WWOX: variants seen among roughly 807,000 people sequenced by gnomAD.
The protein encoded by WWOX is WW domain-containing oxidoreductase.
A neutral mutation model predicts 46.2 loss-of-function variants in WWOX; 69 were observed. The observed-to-expected ratio is 1.49, with a 90% CI of 1.23 to 1.82. The LOEUF is 1.82. WWOX is among the 40% of genes most tolerant of loss of function. The probability of loss-of-function intolerance (pLI) is 0.00; values close to 1 mark genes in which losing one functional copy is unlikely to be tolerated. For synonymous variants in WWOX, 359 were observed against 202.6 expected, an observed-to-expected ratio of 1.77 and a Z score of -6.56; for missense variants, 919 against 542.6, an observed-to-expected ratio of 1.69 and a Z score of -6.89.
intron 8 of WWOX, among the ~76,000 whole-genome samples, chr16:78,539,713 C>T (rs998738720): frequency 1.3e-5 from 2 of 152,182 alleles, no homozygotes; most frequent in African/African-American, 4.8e-5. Context: ...CATGTTTTCC[C>T]TCTAAAGAGA....
At chr16:78,231,226 C>T (rs1014988217) in intron 5 of WWOX, among the ~76,000 whole-genome samples, 4 of 152,158 alleles carry the variant, frequency 2.6e-5, no homozygotes, top group Non-Finnish European at 5.9e-5. Flanking sequence ...CTTTCAAAGC[C>T]TTTTGCAAAC....
intron 8 of WWOX, among the ~76,000 whole-genome samples, chr16:78,456,774 C>T (rs2083828553): frequency 6.6e-6 from 1 of 152,188 alleles, no homozygotes; most frequent in African/African-American, 2.4e-5. Flanking sequence ...TTATCATGCC[C>T]ATTCATTATT....
Position 79,068,496 on chromosome 16 carries a change from G to C in WWOX, c.1057-143112G>C, listed in dbSNP as rs116205612. Among the ~76,000 whole-genome samples, 374 of 152,120 alleles carry C rather than the reference G, an allele frequency of 2.5e-3. 1 individual carries two copies. Among genetic ancestry groups the C allele is most frequent in the African/African-American group, 8.4e-3 (347 of 41,512 alleles). On this transcript the variant is annotated intron_variant, in intron 8 of 8. Coordinates refer to ENST00000566780, the MANE Select transcript of WWOX (RefSeq NM_016373.4). Reference sequence around the variant, plus strand: ...ACATGGTTTTCAGAAAGCACTGCACGTGTAGGAAGCTCAAGACAGAGACGT... The same window carrying C: ...ACATGGTTTTCAGAAAGCACTGCACCTGTAGGAAGCTCAAGACAGAGACGT...
intron 8 of WWOX, among the ~76,000 whole-genome samples, chr16:79,118,259 AAGG>A (rs890469245): frequency 6.6e-6 from 1 of 152,160 alleles, no homozygotes; most frequent in Non-Finnish European, 1.5e-5. Context: ...GGGGAAAGAG[AAGG>A]AGAACAGCAG....
intron 5 of WWOX, among the ~76,000 whole-genome samples, chr16:78,228,794 C>A (rs952009557): frequency 6.6e-6 from 1 of 152,160 alleles, no homozygotes; most frequent in Non-Finnish European, 1.5e-5. Context: ...TGCTGGAAGA[C>A]CCTTCATTTA....
chr16:79,025,971 T>C (rs1470645792), intron 8 of WWOX, among the ~76,000 whole-genome samples: 1 of 148,968 alleles, frequency 6.7e-6, no homozygotes, highest in Non-Finnish European at 1.5e-5. Context: ...GCTAATGTTT[T>C]TGGATTTTTA....
At chr16:78,892,573 T>C (rs1036908760) in intron 8 of WWOX, among the ~76,000 whole-genome samples, 1 of 152,200 alleles carries the variant, frequency 6.6e-6, no homozygotes, top group East Asian at 1.9e-4. Context: ...CTCCACATTT[T>C]ATCCAAAGCA....
At chr16:78,700,221 A>T in intron 8 of WWOX, among the ~76,000 whole-genome samples, 1 of 150,778 alleles carries the variant, frequency 6.6e-6, no homozygotes, top group Non-Finnish European at 1.5e-5. Context: ...TGGAAGTCAG[A>T]TGTCAGGGCA....
At chr16:78,655,375 C>T in intron 8 of WWOX, among the ~76,000 whole-genome samples, 1 of 152,208 alleles carries the variant, frequency 6.6e-6, no homozygotes, top group East Asian at 1.9e-4. Flanking sequence ...TCTCCTCAGC[C>T]TGTGTCTTGA....
intron 8 of WWOX, chr16:79,205,498 A>C (rs1427789131): frequency 6.6e-6 from 1 of 152,226 alleles, no homozygotes; most frequent in Non-Finnish European, 1.5e-5. Flanking sequence ...GAGGGCTAAG[A>C]GTTGGCATGG....
chr16:78,572,503 T>G (rs976905038), intron 8 of WWOX, among the ~76,000 whole-genome samples: 1 of 145,416 alleles, frequency 6.9e-6, no homozygotes, highest in Non-Finnish European at 1.5e-5. Flanking sequence ...CTTGGGAGAC[T>G]GAGGAGGGAG....
At chr16:78,206,068 G>A (rs1440047913) in intron 5 of WWOX, among the ~76,000 whole-genome samples, 1 of 151,690 alleles carries the variant, frequency 6.6e-6, no homozygotes, top group East Asian at 1.9e-4. Flanking sequence ...ACGATTAATG[G>A]AAGAAGAGAA....
chr16:78,627,476 T>G (rs918755689), intron 8 of WWOX, among the ~76,000 whole-genome samples: 1 of 152,250 alleles, frequency 6.6e-6, no homozygotes, highest in African/African-American at 2.4e-5. Context: ...CTTGACATTC[T>G]GTGATCCTGT....
At chr16:79,183,513 C>G in intron 8 of WWOX, among the ~76,000 whole-genome samples, 1 of 152,110 alleles carries the variant, frequency 6.6e-6, no homozygotes, top group East Asian at 1.9e-4. Flanking sequence ...TTTTCTGTGT[C>G]TCTGAATTGG....
intron 8 of WWOX, among the ~76,000 whole-genome samples, chr16:78,628,262 A>T (rs953596119): frequency 6.6e-6 from 1 of 152,140 alleles, no homozygotes; most frequent in East Asian, 1.9e-4. Context: ...CTCATGTCAC[A>T]TTGAGTGGTG....
intron 6 of WWOX, among the ~76,000 whole-genome samples, chr16:78,422,246 T>C (rs985802830): frequency 1.3e-5 from 2 of 152,178 alleles, no homozygotes; most frequent in East Asian, 1.9e-4. Context: ...TCCACTGTTT[T>C]AGAGAGCAGA....
chr16:78,653,962 C>G (rs558814186), intron 8 of WWOX, among the ~76,000 whole-genome samples: 45 of 152,326 alleles, frequency 3.0e-4, no homozygotes, highest in African/African-American at 7.9e-4. Context: ...GATATTCTTA[C>G]AAAAGGCAAA....
chr16:78,598,934 G>A (rs1435504228), intron 8 of WWOX, among the ~76,000 whole-genome samples: 1 of 152,128 alleles, frequency 6.6e-6, no homozygotes, highest in Non-Finnish European at 1.5e-5. Flanking sequence ...CTCTCAACAG[G>A]GAAACTGAAG....
At chr16:78,747,751 C>T (rs375418134) in intron 8 of WWOX, among the ~76,000 whole-genome samples, 10 of 152,316 alleles carry the variant, frequency 6.6e-5, no homozygotes, top group African/African-American at 2.4e-4. Context: ...GCTTATCCAG[C>T]CTACAGAGGA....
Sources: allele counts gnomAD v4.1 joint callset (sites outside exome capture counted in the v4.1 genomes callset), GRCh38; gene constraint gnomAD v4.1.1; transcripts MANE v1.5; gene names NCBI Gene and HGNC (gene_info 2026-07-23, HGNC 2026-07-21).